The following TRPS1 variants were observed in gnomAD, a reference collection of about 807,000 sequenced individuals.
The protein encoded by TRPS1 is transcriptional repressor GATA binding 1.
Under a neutral mutation model 101.2 loss-of-function variants are expected in TRPS1, and 6 were observed. The ratio of observed to expected loss-of-function variants is 0.06; its 90% confidence interval spans 0.03 to 0.12. The LOEUF (loss-of-function observed/expected upper bound fraction) is 0.12. Ranked by LOEUF, TRPS1 falls within the 10% of genes least tolerant of loss-of-function variation. The pLI, the probability that TRPS1 is intolerant of heterozygous loss-of-function variation, is 1.00. For missense variants in TRPS1, 1,363 were observed against 1,567.0 expected (o/e 0.87, Z 2.20); for synonymous variants, 578 against 589.8 (o/e 0.98, Z 0.29).
At chr8:115,510,760 T>C (rs1815563400) in intron 5 of TRPS1, among the ~76,000 whole-genome samples, 2 of 152,008 alleles carry the variant, frequency 1.3e-5, no homozygotes, top group Non-Finnish European at 2.9e-5. Context: ...GCTTTATTTG[T>C]CAATATTAGA....
intron 5 of TRPS1, among the ~76,000 whole-genome samples, chr8:115,438,083 A>T (rs1016269266): frequency 1.3e-5 from 2 of 152,172 alleles, no homozygotes; most frequent in African/African-American, 2.4e-5. Context: ...AGTCAAATTT[A>T]AAAAAATAGG....
At chr8:115,422,490 C>A (rs1251683373) in intron 5 of TRPS1, among the ~76,000 whole-genome samples, 1 of 152,106 alleles carries the variant, frequency 6.6e-6, no homozygotes, top group African/African-American at 2.4e-5. Flanking sequence ...TCTCAGCTTC[C>A]AGAGTAGCTG....
intron 5 of TRPS1, among the ~76,000 whole-genome samples, chr8:115,549,202 T>C (rs2130332664): frequency 6.6e-6 from 1 of 152,286 alleles, no homozygotes; most frequent in South Asian, 2.1e-4. Context: ...AATTGAAATG[T>C]CTAAACATCT....
intron 5 of TRPS1, among the ~76,000 whole-genome samples, chr8:115,529,223 C>T (rs1002060149): frequency 1.3e-5 from 2 of 151,870 alleles, no homozygotes; most frequent in Non-Finnish European, 2.9e-5. Flanking sequence ...AGGAGAGGTA[C>T]AGAAATGGTG....
At chr8:115,451,339 A>T (rs1160793830) in intron 5 of TRPS1, among the ~76,000 whole-genome samples, 1 of 151,516 alleles carries the variant, frequency 6.6e-6, no homozygotes, top group Non-Finnish European at 1.5e-5. Context: ...TTTTTCAATG[A>T]GTATTTTCTA....
intron 5 of TRPS1, among the ~76,000 whole-genome samples, chr8:115,473,471 G>T (rs1257255938): frequency 1.3e-5 from 2 of 152,194 alleles, no homozygotes; most frequent in South Asian, 4.1e-4. Context: ...TGCAATTTAA[G>T]ATGAGATTTG....
At chr8:115,497,144 C>T (rs548311334) in intron 5 of TRPS1, among the ~76,000 whole-genome samples, 6 of 152,310 alleles carry the variant, frequency 3.9e-5, no homozygotes, top group African/African-American at 9.6e-5. Flanking sequence ...CTTAGGACAG[C>T]GGTCCCCACT....
Position 115,623,777 on chromosome 8 carries a change from G to A in TRPS1, c.-121-19C>T. 7.0e-7 allele frequency: 1 copy of A among 1,435,586 alleles called. No homozygotes were observed. The highest frequency in any genetic ancestry group is 9.1e-7 in the Non-Finnish European group (1 of 1,096,458). 88.9% of individuals were successfully genotyped at this position (1,435,586 alleles called of 1,614,324 possible). A position where few individuals can be genotyped will look rare whatever the true frequency, so the allele number is the denominator to read the frequency against. ...TGTACATCTGCAAAACAAAGCAAAA[G>A]AAAAATTTTCCTTCCTAAATGATGT... On this transcript the variant is annotated intron_variant, in intron 1 of 6. Transcript: ENST00000395715.
chr8:115,665,693 C>G (rs1811905962), intron 1 of TRPS1, among the ~76,000 whole-genome samples: 1 of 152,114 alleles, frequency 6.6e-6, no homozygotes, highest in African/African-American at 2.4e-5. Context: ...ATGCTAAGTT[C>G]TAAATTCAGC....
intron 1 of TRPS1, among the ~76,000 whole-genome samples, chr8:115,629,057 C>A (rs1382379804): frequency 6.6e-6 from 1 of 151,640 alleles, no homozygotes; most frequent in Non-Finnish European, 1.5e-5. Flanking sequence ...AACTAATGTT[C>A]TGATGAACAC....
At chr8:115,572,808 C>G (rs1817235511) in intron 5 of TRPS1, among the ~76,000 whole-genome samples, 1 of 152,116 alleles carries the variant, frequency 6.6e-6, no homozygotes, top group African/African-American at 2.4e-5. Flanking sequence ...CACAGAACAG[C>G]TGACTCTAGA....
Position 115,456,860 on chromosome 8 carries a change from A to G in TRPS1, c.2701-38408T>C, listed in dbSNP as rs537844983. Among the ~76,000 whole-genome samples the G allele has an allele frequency of 1.5e-4, 23 of 152,224 alleles. No individual in the cohort carries two copies. In the South Asian group the frequency reaches 4.8e-3, roughly 32 times the overall value. On this transcript the variant is annotated intron_variant, in intron 5 of 6. Coordinates refer to ENST00000395715, the MANE Select transcript of TRPS1 (RefSeq NM_014112.5). ...AGAAATTTGCTAAAGAGAATGACTT[A>G]GCAAAATCCTAATTATAAAATATAT... is the stretch of plus-strand genomic sequence containing the variant.
chr8:115,587,250 C>T lies in TRPS1; in HGVS notation c.2451G>A (p.Pro817=), dbSNP rs770052582. The T allele has an allele frequency of 1.2e-5, 19 of 1,614,216 alleles. No individual in the cohort carries two copies. Among genetic ancestry groups the T allele is most frequent in the African/African-American group, 6.7e-5 (5 of 75,068 alleles). Residue 817 remains proline, a synonymous_variant, in exon 5 of 7, where the codon CCG becomes CCA. Transcript: ENST00000395715. ...GCCCCAGGCTTGCTTGGGTGTATGA[C>T]GGACTCCCCCGCAGGATGTCTGCCC... ...WRGADILRGS[P]SYTQASLGLL...
rs1466046485 is a variant in TRPS1, at chr8:115,619,440, T to G, written c.658A>C (p.Asn220His). ...LNKSKTDLLV[N>H]DNPDPAPLSP... Reference sequence around the variant, plus strand: ...AGAGGTGCCGGGTCTGGGTTGTCATTCACCAGTAAGTCAGTTTTGGATTTA... The same window carrying G: ...AGAGGTGCCGGGTCTGGGTTGTCATGCACCAGTAAGTCAGTTTTGGATTTA... The change falls in exon 3 of 7, where the codon AAT becomes CAT. Residue 220 changes from asparagine (N) to histidine (H), a missense_variant. Transcript: ENST00000395715. The G allele has an allele frequency of 6.2e-7, 1 of 1,614,096 alleles. No homozygotes were observed. Among genetic ancestry groups the G allele is most frequent in the East Asian group, 2.2e-5 (1 of 44,892 alleles).
At chr8:115,572,910 A>G (rs1448117529) in intron 5 of TRPS1, among the ~76,000 whole-genome samples, 1 of 152,132 alleles carries the variant, frequency 6.6e-6, no homozygotes, top group Non-Finnish European at 1.5e-5. Flanking sequence ...AGGTGGGTGG[A>G]TCACCTGAGG....
intron 5 of TRPS1, among the ~76,000 whole-genome samples, chr8:115,559,415 A>C (rs1165591112): frequency 6.6e-6 from 1 of 152,142 alleles, no homozygotes; most frequent in African/African-American, 2.4e-5. Context: ...TAGGGTTATA[A>C]TAAGAAGTAA....
chr8:115,499,501 ATCT>A (rs1457952218), intron 5 of TRPS1, among the ~76,000 whole-genome samples: 1 of 152,132 alleles, frequency 6.6e-6, no homozygotes, highest in East Asian at 1.9e-4. Context: ...TGAAGACAAA[ATCT>A]TCTTTTTAAA....
chr8:115,667,240 C>T (rs993482661), intron 1 of TRPS1, among the ~76,000 whole-genome samples: 1 of 152,152 alleles, frequency 6.6e-6, no homozygotes, highest in African/African-American at 2.4e-5. Flanking sequence ...CAGTTGCTGA[C>T]TTCCCTGGGG....
intron 1 of TRPS1, among the ~76,000 whole-genome samples, chr8:115,651,304 C>T (rs1422633815): frequency 6.6e-6 from 1 of 152,206 alleles, no homozygotes; most frequent in Non-Finnish European, 1.5e-5. Flanking sequence ...GCAGGATTTG[C>T]AAGCACACTG....
Sources: gnomAD v4.1 joint callset for allele counts (sites outside exome capture counted in the v4.1 genomes callset) on GRCh38, gnomAD v4.1.1 for gene constraint, MANE v1.5 for transcripts, NCBI Gene and HGNC (gene_info 2026-07-23, HGNC 2026-07-21) for gene names.